Variants in SH3GL3 observed in about 807,000 individuals in gnomAD.
SH3GL3 encodes endophilin-A3.
SH3GL3 carries 33 observed loss-of-function variants against 47.7 expected under a neutral mutation model. The observed-to-expected ratio is 0.69, with a 90% CI of 0.52 to 0.92. SH3GL3 has a LOEUF of 0.92. Ranked by LOEUF, SH3GL3 falls within the 40% of genes least tolerant of loss-of-function variation. The probability of loss-of-function intolerance (pLI) is 0.00; values close to 1 mark genes in which losing one functional copy is unlikely to be tolerated. For missense variants in SH3GL3, 363 were observed against 417.8 expected, an observed-to-expected ratio of 0.87 and a Z score of 1.14; for synonymous variants, 155 against 148.8, an observed-to-expected ratio of 1.04 and a Z score of -0.30.
intron 1 of SH3GL3, among the ~76,000 whole-genome samples, chr15:83,449,797 TC>T (rs1166188214): frequency 6.6e-6 from 1 of 152,088 alleles, no homozygotes; most frequent in African/African-American, 2.4e-5. Context: ...TCTCTGGGCT[TC>T]ATAGCCATGT....
chr15:83,477,737 G>A (rs2041166052), intron 1 of SH3GL3, among the ~76,000 whole-genome samples: 1 of 152,036 alleles, frequency 6.6e-6, no homozygotes, highest in Non-Finnish European at 1.5e-5. Flanking sequence ...AGAAATGTGG[G>A]GCATTTATTC....
chr15:83,466,619 G>A (rs909804399), intron 1 of SH3GL3, among the ~76,000 whole-genome samples: 6 of 152,198 alleles, frequency 3.9e-5, no homozygotes, highest in Non-Finnish European at 7.3e-5. Flanking sequence ...AGGTTTTTAA[G>A]AAACTATCAA....
chr15:83,582,909 A>G (rs2059867067), intron 6 of SH3GL3, among the ~76,000 whole-genome samples: 1 of 152,236 alleles, frequency 6.6e-6, no homozygotes. Flanking sequence ...GCCTTACTCA[A>G]ACTTTCTCAG....
intron 1 of SH3GL3, among the ~76,000 whole-genome samples, chr15:83,554,429 C>T (rs2044836523): frequency 6.6e-6 from 1 of 152,144 alleles, no homozygotes; most frequent in Non-Finnish European, 1.5e-5. Flanking sequence ...TCATGTGATC[C>T]ACCACTTCGG....
In SH3GL3 at chr15:83,568,667, C is replaced by T. The variant is rs1424390255; in HGVS notation, c.326C>T (p.Thr109Ile). The change falls in exon 4 of 9, where the codon ACC becomes ATC. Residue 109 changes from threonine (T) to isoleucine (I), a missense_variant. Transcript: ENST00000427482. ...GGGAAGGAGCTCGGGGAAGACTCCA[C>T]CTTTGGTGAGTTATTCAGAGATCAG... is the stretch of plus-strand genomic sequence containing the variant. ...KYGKELGEDS[T>I]FGNALIEVGE... is the part of the protein sequence containing the mutation. 6.2e-7 allele frequency: 1 copy of T among 1,613,260 alleles called. No individual in the cohort carries two copies. Among genetic ancestry groups the T allele is most frequent in the African/African-American group, 1.3e-5 (1 of 74,898 alleles).
At chr15:83,609,485 A>G in intron 8 of SH3GL3, 1 of 354,508 alleles carries the variant, frequency 2.8e-6, no homozygotes, top group African/African-American at 2.1e-5. Flanking sequence ...CTTCTGGGAG[A>G]CTCCATACCT....
At chr15:83,625,271 G>A in the SH3GL3 span, among the ~76,000 whole-genome samples, 1 of 152,248 alleles carries the variant, frequency 6.6e-6, no homozygotes, top group African/African-American at 2.4e-5. Context: ...TGCAGGTGAA[G>A]AAATTGAGGC....
intron 3 of SH3GL3, 25 bp from the exon 4 acceptor site, chr15:83,568,503 GA>G (rs770056925): frequency 6.3e-7 from 1 of 1,598,896 alleles, no homozygotes; most frequent in South Asian, 1.1e-5. Flanking sequence ...TAACTTTAAA[GA>G]ATTACAAATG....
chr15:83,573,302 C>T (rs1476652446), intron 5 of SH3GL3, among the ~76,000 whole-genome samples: 2 of 152,194 alleles, frequency 1.3e-5, no homozygotes, highest in East Asian at 3.9e-4. Context: ...GAAGATGTTC[C>T]TCCAGGTGCC....
At chr15:83,580,618 A>C (rs1567008919) in intron 6 of SH3GL3, among the ~76,000 whole-genome samples, 1 of 152,262 alleles carries the variant, frequency 6.6e-6, no homozygotes, top group South Asian at 2.1e-4. Flanking sequence ...AATGCTTGAA[A>C]ATTGTAAAAT....
At chr15:83,537,789 C>G (rs1014625202) in intron 1 of SH3GL3, among the ~76,000 whole-genome samples, 3 of 152,124 alleles carry the variant, frequency 2.0e-5, no homozygotes, top group Non-Finnish European at 4.4e-5. Flanking sequence ...CCCATCTGCT[C>G]TCTGTCTTCT....
intron 8 of SH3GL3, among the ~76,000 whole-genome samples, chr15:83,596,177 T>C (rs1180374628): frequency 6.6e-6 from 1 of 152,238 alleles, no homozygotes; most frequent in Non-Finnish European, 1.5e-5. Context: ...ATGTGGATAT[T>C]TTTCAGATCT....
chr15:83,553,292 ATGTACATTT>A (rs574501725), intron 1 of SH3GL3, among the ~76,000 whole-genome samples: 93 of 152,230 alleles, frequency 6.1e-4, no homozygotes, highest in Non-Finnish European at 4.4e-5. Context: ...TTTTCCTAGT[ATGTACATTT>A]TGTCTTTTCA....
intron 3 of SH3GL3, among the ~76,000 whole-genome samples, chr15:83,567,655 G>T (rs532323006): frequency 3.0e-4 from 45 of 152,292 alleles, no homozygotes; most frequent in African/African-American, 1.1e-3. Context: ...GCACCTGCCT[G>T]CCATAATACT....
chr15:83,555,627 C>T (rs980024073), intron 1 of SH3GL3, among the ~76,000 whole-genome samples: 9 of 152,168 alleles, frequency 5.9e-5, no homozygotes, highest in Non-Finnish European at 8.8e-5. Flanking sequence ...GTTCTTCAGT[C>T]TCCTTGGGCC....
At chr15:83,463,774 T>C (rs1413675979) in intron 1 of SH3GL3, among the ~76,000 whole-genome samples, 2 of 147,578 alleles carry the variant, frequency 1.4e-5, no homozygotes, top group Admixed American at 6.7e-5. Flanking sequence ...TTTCTTTTTT[T>C]TTTTTTTTTT....
chr15:83,482,354 A>G (rs1416337333), intron 1 of SH3GL3, among the ~76,000 whole-genome samples: 1 of 152,170 alleles, frequency 6.6e-6, no homozygotes, highest in Non-Finnish European at 1.5e-5. Flanking sequence ...TTTTTGGGAT[A>G]TAAAGTAGGC....
intron 1 of SH3GL3, among the ~76,000 whole-genome samples, chr15:83,527,097 G>A (rs2043457478): frequency 6.6e-6 from 1 of 152,082 alleles, no homozygotes; most frequent in Non-Finnish European, 1.5e-5. Flanking sequence ...TCAGATCTTA[G>A]AGTTTTTTGG....
chr15:83,589,560 A>G (rs1442359853), intron 8 of SH3GL3, among the ~76,000 whole-genome samples: 1 of 151,782 alleles, frequency 6.6e-6, no homozygotes, highest in African/African-American at 2.4e-5. Flanking sequence ...TATTTTTTGT[A>G]GAGACAAGGT....
Sources: gnomAD v4.1 joint callset for allele counts (sites outside exome capture counted in the v4.1 genomes callset) on GRCh38, gnomAD v4.1.1 for gene constraint, MANE v1.5 for transcripts, NCBI Gene and HGNC (gene_info 2026-07-23, HGNC 2026-07-21) for gene names.